Variants in LARGE1 observed in about 807,000 individuals in gnomAD.
LARGE1 encodes the protein LARGE xylosyl- and glucuronyltransferase 1.
In LARGE1, 43 loss-of-function variants were observed where a neutral mutation model predicts 87.6. The ratio of observed to expected loss-of-function variants is 0.49; its 90% CI spans 0.38 to 0.63. The LOEUF (loss-of-function observed/expected upper bound fraction) is 0.63. Ranked by LOEUF, LARGE1 falls within the 30% of genes least tolerant of loss-of-function variation. The pLI, the probability that LARGE1 is intolerant of heterozygous loss-of-function variation, is 0.00. For missense variants in LARGE1, 802 were observed against 1,000.2 expected, an observed-to-expected ratio of 0.80 and a Z score of 2.67; for synonymous variants, 434 against 394.6, an observed-to-expected ratio of 1.10 and a Z score of -1.18.
At chr22:33,170,239 C>T (rs949297347) in intron 11 of LARGE1, among the ~76,000 whole-genome samples, 23 of 151,868 alleles carry the variant, frequency 1.5e-4, no homozygotes, top group Non-Finnish European at 2.8e-4. Flanking sequence ...CATGGTGGTG[C>T]ACATCTGTAA....
chr22:33,447,617 G>C (rs2067736888), intron 6 of LARGE1, among the ~76,000 whole-genome samples: 1 of 152,214 alleles, frequency 6.6e-6, no homozygotes, highest in Non-Finnish European at 1.5e-5. Flanking sequence ...CTTGTGTTAG[G>C]AGCCAATCTG....
At chr22:33,122,606 G>A in the LARGE1 span, among the ~76,000 whole-genome samples, 4,347 of 152,110 alleles carry the variant, frequency 0.029, 71 homozygotes, top group Middle Eastern at 0.11. Context: ...TGATCCATCC[G>A]CCTTGGCCTC....
At chr22:33,896,966 C>T (rs937680026) in intron 1 of LARGE1, among the ~76,000 whole-genome samples, 2 of 152,168 alleles carry the variant, frequency 1.3e-5, no homozygotes, top group Non-Finnish European at 2.9e-5. Flanking sequence ...AGAGGAAACA[C>T]ACATGCTGCC....
At chr22:33,075,682 T>C in the LARGE1 span, among the ~76,000 whole-genome samples, 1 of 152,222 alleles carries the variant, frequency 6.6e-6, no homozygotes, top group African/African-American at 2.4e-5. Context: ...AAGACTTCTT[T>C]GAAAAGCTTT....
Position 33,610,383 on chromosome 22 carries a change from A to G in LARGE1, c.492-5825T>C, listed in dbSNP as rs528561132. Among the ~76,000 whole-genome samples, 176 of 152,348 alleles carry G rather than the reference A, an allele frequency of 1.2e-3. 1 individual carries two copies. The South Asian group carries it at 0.034, about 29-fold the overall frequency. On this transcript the variant is annotated intron_variant, in intron 4 of 14. Transcript: ENST00000397394. ...TGAGGAACTTATTGGGAACTTGATT[A>G]AAGGTCACCCTTGATGTGCCTTAGC...
At chr22:33,599,483 C>T (rs2079061411) in intron 5 of LARGE1, among the ~76,000 whole-genome samples, 1 of 152,046 alleles carries the variant, frequency 6.6e-6, no homozygotes, top group African/African-American at 2.4e-5. Flanking sequence ...AACAAATGGG[C>T]CATGTAAACA....
chr22:33,275,958 C>T (rs907501712), intron 14 of LARGE1, among the ~76,000 whole-genome samples: 2 of 152,190 alleles, frequency 1.3e-5, no homozygotes, highest in African/African-American at 4.8e-5. Context: ...GACAGCCCTG[C>T]TTTCTGTTGT....
chr22:33,344,862 C>T (rs1328979600), intron 9 of LARGE1, among the ~76,000 whole-genome samples: 4 of 32,878 alleles, frequency 1.2e-4, no homozygotes, highest in Non-Finnish European at 1.9e-4. Context: ...GTCCTGGTCC[C>T]TTGAGGGAAA....
At chr22:33,704,386 G>A (rs181907516) in intron 2 of LARGE1, among the ~76,000 whole-genome samples, 2 of 152,274 alleles carry the variant, frequency 1.3e-5, no homozygotes, top group Non-Finnish European at 2.9e-5. Flanking sequence ...CAAAGACCTC[G>A]TTCAAATGTC....
chr22:33,777,880 G>A (rs1447408581), intron 1 of LARGE1, among the ~76,000 whole-genome samples: 1 of 152,170 alleles, frequency 6.6e-6, no homozygotes, highest in African/African-American at 2.4e-5. Context: ...TGTTTTGGGG[G>A]GCTTTCCTTG....
chr22:33,136,224 C>T, the LARGE1 span, among the ~76,000 whole-genome samples: 2 of 152,178 alleles, frequency 1.3e-5, no homozygotes, highest in Non-Finnish European at 2.9e-5. Context: ...TAAAGACATA[C>T]CCAAGACTGG....
chr22:33,542,724 A>T (rs529844454), intron 6 of LARGE1, among the ~76,000 whole-genome samples: 2 of 151,770 alleles, frequency 1.3e-5, no homozygotes, highest in African/African-American at 2.4e-5. Flanking sequence ...TTTGCATCAG[A>T]TCCATAGACC....
chr22:33,161,017 T>C (rs1922004612), downstream of LARGE1, among the ~76,000 whole-genome samples: 1 of 152,192 alleles, frequency 6.6e-6, no homozygotes, highest in Non-Finnish European at 1.5e-5. Context: ...GACTGAGTAA[T>C]TTATAAAGAG....
At chr22:33,693,795 G>C (rs1383386877) in intron 2 of LARGE1, among the ~76,000 whole-genome samples, 1 of 151,980 alleles carries the variant, frequency 6.6e-6, no homozygotes, top group Non-Finnish European at 1.5e-5. Flanking sequence ...TTGCACTCCA[G>C]CCTGGGCAAC....
At chr22:33,614,422 T>G (rs774328445) in intron 4 of LARGE1, among the ~76,000 whole-genome samples, 3 of 152,180 alleles carry the variant, frequency 2.0e-5, no homozygotes, top group Non-Finnish European at 4.4e-5. Flanking sequence ...ATACACTTGC[T>G]CTAATGTAAT....
intron 10 of LARGE1, among the ~76,000 whole-genome samples, chr22:33,318,549 T>C (rs1449810408): frequency 6.6e-6 from 1 of 151,742 alleles, no homozygotes. Flanking sequence ...TTTGCTATTG[T>C]AGTCACAGGG....
chr22:33,915,079 T>C (rs1447987251), intron 1 of LARGE1, among the ~76,000 whole-genome samples: 2 of 149,830 alleles, frequency 1.3e-5, no homozygotes, highest in Non-Finnish European at 1.5e-5. Flanking sequence ...CTAACTTTTA[T>C]TCCCATTATC....
intron 11 of LARGE1, among the ~76,000 whole-genome samples, chr22:33,221,188 G>GAGAGAGA (rs766697708): frequency 1.6e-5 from 2 of 123,742 alleles, no homozygotes; most frequent in African/African-American, 7.4e-5. Flanking sequence ...AGAGAGAGAG[G>GAGAGAGA]GAATAACACA....
chr22:33,192,489 AG>A (rs1483203966), intron 11 of LARGE1, among the ~76,000 whole-genome samples: 1 of 152,032 alleles, frequency 6.6e-6, no homozygotes, highest in Non-Finnish European at 1.5e-5. Flanking sequence ...ATGTCTTTTC[AG>A]TTCTTCTCCC....
Sources: allele counts gnomAD v4.1 joint callset (sites outside exome capture counted in the v4.1 genomes callset), GRCh38; gene constraint gnomAD v4.1.1; transcripts MANE v1.5; gene names NCBI Gene and HGNC (gene_info 2026-07-23, HGNC 2026-07-21).